The following CP variants were observed in gnomAD, a reference collection of about 807,000 sequenced individuals.
CP encodes caeruloplasmin.
Under a neutral mutation model 122.4 loss-of-function variants are expected in CP, and 64 were observed. The observed-to-expected ratio is 0.52, with a 90% confidence interval of 0.43 to 0.64. The LOEUF is 0.64. CP is among the 30% of genes least tolerant of loss of function. CP has a pLI of 0.00. For synonymous variants in CP, 440 were observed against 436.4 expected, an observed-to-expected ratio of 1.01 and a Z score of -0.10; for missense variants, 1,167 against 1,284.4, an observed-to-expected ratio of 0.91 and a Z score of 1.40.
chr3:149,212,245 T>C, intron 2 of CP, among the ~76,000 whole-genome samples: 1 of 151,558 alleles, frequency 6.6e-6, no homozygotes, highest in East Asian at 1.9e-4. Context: ...CCGGATGCGG[T>C]GCTTGCAGTG....
chr3:149,181,875 T>G, intron 14 of CP, 130 bp downstream of exon 14: 2 of 1,039,456 alleles, frequency 1.9e-6, no homozygotes, highest in Non-Finnish European at 3.0e-6. Flanking sequence ...AGACACCTCC[T>G]TGCATCCCCT....
intron 9 of CP, among the ~76,000 whole-genome samples, chr3:149,191,559 A>C (rs1726551778): frequency 6.6e-6 from 1 of 151,934 alleles, no homozygotes; most frequent in Middle Eastern, 3.2e-3. Context: ...TTAAGATCAG[A>C]CACAAACAAG....
At chr3:149,169,921 G>A, downstream of CP, among the ~76,000 whole-genome samples, 1 of 152,146 alleles carries the variant, frequency 6.6e-6, no homozygotes, top group South Asian at 2.1e-4. Context: ...TAAGGGTACA[G>A]GTTTACATTT....
chr3:149,216,900 CTTTTT>C (rs201368226), intron 1 of CP, among the ~76,000 whole-genome samples: 1 of 129,594 alleles, frequency 7.7e-6, no homozygotes, highest in Non-Finnish European at 1.7e-5. Flanking sequence ...CTATTGCTTG[CTTTTT>C]TTTTTTTTTT....
At chr3:149,206,383 T>C in intron 5 of CP, 44 bp from the exon 6 acceptor site, 1 of 1,608,146 alleles carries the variant, frequency 6.2e-7, no homozygotes, top group South Asian at 1.1e-5. Context: ...AAGACAATGT[T>C]TCTCTCTCCT....
Position 149,212,587 on chromosome 3 carries a change from T to G in CP, c.258A>C (p.Lys86Asn). ...GGCCTAAAAACCCAAGCCAGACCGG[T>G]TTTTCTATAGTTGTCCTAAAGGTTT... The part of the protein sequence containing the change: ...TDETFRTTIE[K>N]PVWLGFLGPI... Residue 86 changes from lysine (K) to asparagine (N), a missense_variant, in exon 2 of 19, where the codon AAA (lysine) becomes AAC (asparagine). Transcript: ENST00000264613. 1 of 1,613,948 alleles carries G rather than the reference T, an allele frequency of 6.2e-7. No homozygotes were observed. The highest frequency in any genetic ancestry group is 1.1e-5 in the South Asian group (1 of 91,066).
rs552651101 is a variant in CP, at chr3:149,221,396, G to A, written c.146+251C>T. On this transcript the variant is annotated intron_variant, in intron 1 of 18. Transcript: ENST00000264613. Reference sequence around the variant, plus strand: ...AAAAGACAGATTCCTAATCGGAGATGCAGTTACGACCATGGGAGGTAGTAA... The same window carrying A: ...AAAAGACAGATTCCTAATCGGAGATACAGTTACGACCATGGGAGGTAGTAA... 1.9e-4 allele frequency among the ~76,000 whole-genome samples: 29 copies of A among 152,238 alleles called. 1 individual carries two copies. The South Asian group carries it at 5.4e-3, about 28-fold the overall frequency.
intron 14 of CP, 97 bp downstream of exon 14, chr3:149,181,908 A>T: frequency 7.2e-7 from 1 of 1,390,968 alleles, no homozygotes; most frequent in Non-Finnish European, 1.0e-6. Flanking sequence ...CTCCCTTTTC[A>T]CTTTCTTGGT....
rs541708867 is a variant in CP, at chr3:149,199,726, T to C, written c.1487A>G (p.Asn496Ser). 1.2e-4 allele frequency: 190 copies of C among 1,613,946 alleles called. 1 individual carries two copies. In the South Asian group the frequency reaches 1.9e-3, roughly 17 times the overall value. ...NEGTYYSPNY[N>S]PQSRSVPPSA... Reference sequence around the variant, plus strand: ...TGTATACTCACTTCTGCTCTGGGGGTTGTAATTTGGGGAATAGTATGTGCC... The same window carrying C: ...TGTATACTCACTTCTGCTCTGGGGGCTGTAATTTGGGGAATAGTATGTGCC... Residue 496 changes from asparagine (N) to serine (S), a missense_variant, in exon 8 of 19, where the codon AAC becomes AGC. By Grantham distance (46) the Asn-to-Ser change is conservative. Coordinates refer to ENST00000264613, the MANE Select transcript of CP (RefSeq NM_000096.4).
At chr3:149,190,143 ATATAT>A (rs1395381023) in intron 9 of CP, among the ~76,000 whole-genome samples, 2 of 152,230 alleles carry the variant, frequency 1.3e-5, no homozygotes, top group Non-Finnish European at 1.5e-5. Flanking sequence ...AAATCCAAAA[ATATAT>A]TATGTGAAAA....
chr3:149,201,424 G>T (rs1727306584), intron 7 of CP, among the ~76,000 whole-genome samples: 1 of 151,382 alleles, frequency 6.6e-6, no homozygotes, highest in East Asian at 2.0e-4. Flanking sequence ...CCTGGCCCTA[G>T]CCTGGGTTTT....
At chr3:149,200,194 C>T (rs1727205140) in intron 7 of CP, among the ~76,000 whole-genome samples, 1 of 152,152 alleles carries the variant, frequency 6.6e-6, no homozygotes. Flanking sequence ...GGAGGTGTGT[C>T]ATTTGTCCCA....
chr3:149,184,772 ATATC>A (rs1726038899), intron 12 of CP, among the ~76,000 whole-genome samples: 1 of 152,214 alleles, frequency 6.6e-6, no homozygotes, highest in Admixed American at 6.5e-5. Context: ...GATAGAGACT[ATATC>A]TATCATCTTC....
chr3:149,167,777 T>G, downstream of CP: 1 of 729,352 alleles, frequency 1.4e-6, no homozygotes, highest in Non-Finnish European at 2.5e-6. Context: ...GTTAGCTGCC[T>G]TAGACAAAAT....
chr3:149,168,224 A>G, downstream of CP: 1 of 459,464 alleles, frequency 2.2e-6, no homozygotes, highest in Non-Finnish European at 4.0e-6. Context: ...AAATTATCAC[A>G]GTCATAGAAA....
At chr3:149,162,711 G>T in exon 6 of CP, 7 of 1,614,014 alleles carry the variant, frequency 4.3e-6, no homozygotes, top group Non-Finnish European at 5.9e-6. Context: ...TAAGGATGAA[G>T]ATACAATTCC....
chr3:149,210,463 C>G, intron 2 of CP, 84 bp from the exon 3 acceptor site: 1 of 1,186,974 alleles, frequency 8.4e-7, no homozygotes, highest in South Asian at 1.3e-5. Context: ...ATTCATTCAG[C>G]AAACATTTAT....
At chr3:149,168,912 CT>C (rs1432797233), downstream of CP, among the ~76,000 whole-genome samples, 3 of 152,048 alleles carry the variant, frequency 2.0e-5, no homozygotes, top group Non-Finnish European at 4.4e-5. Context: ...TCATCATTAT[CT>C]TAATCAGAAG....
intron 1 of CP, among the ~76,000 whole-genome samples, chr3:149,219,798 A>G (rs1400630485): frequency 1.3e-5 from 2 of 152,130 alleles, no homozygotes; most frequent in Non-Finnish European, 2.9e-5. Flanking sequence ...TGGAGGGCTC[A>G]GAAGAAGATA....
Sources: gnomAD v4.1 joint callset for allele counts (sites outside exome capture counted in the v4.1 genomes callset) on GRCh38, gnomAD v4.1.1 for gene constraint, MANE v1.5 for transcripts, NCBI Gene and HGNC (gene_info 2026-07-23, HGNC 2026-07-21) for gene names.